The following SKIL variants were observed in gnomAD, a reference collection of about 807,000 sequenced individuals.
SKIL encodes the protein SKI like proto-oncogene, also known as ski-like protein.
In SKIL, 20 loss-of-function variants were observed where a neutral mutation model predicts 69.6. The ratio of observed to expected loss-of-function variants is 0.29; its 90% CI spans 0.20 to 0.42. The LOEUF is 0.42. SKIL is among the 10% of genes least tolerant of loss of function. SKIL has a pLI of 1.00. For synonymous variants in SKIL, 310 were observed against 279.9 expected, an observed-to-expected ratio of 1.11 and a Z score of -1.08; for missense variants, 745 against 783.1, an observed-to-expected ratio of 0.95 and a Z score of 0.58.
chr3:170,358,118 C>T (rs948793196), intron 1 of SKIL, among the ~76,000 whole-genome samples: 6 of 152,294 alleles, frequency 3.9e-5, no homozygotes, highest in African/African-American at 1.4e-4. Flanking sequence ...GCGGGGATGC[C>T]CTGGTCTCGA....
At chr3:170,364,529 A>C (rs913513500) in intron 2 of SKIL, among the ~76,000 whole-genome samples, 2 of 150,734 alleles carry the variant, frequency 1.3e-5, no homozygotes, top group Non-Finnish European at 3.0e-5. Context: ...TTTACAGCCT[A>C]GCCGGCTGGT....
chr3:170,371,298 C>G (rs186670778), intron 2 of SKIL, among the ~76,000 whole-genome samples: 2 of 151,880 alleles, frequency 1.3e-5, no homozygotes, highest in African/African-American at 2.4e-5. Context: ...GTCAGGAGTT[C>G]GAGACCAGCC....
intron 1 of SKIL, among the ~76,000 whole-genome samples, chr3:170,358,809 C>G (rs1403281176): frequency 1.3e-5 from 2 of 152,122 alleles, no homozygotes; most frequent in Non-Finnish European, 2.9e-5. Context: ...CCGGATTAGT[C>G]TTGTTGAAGG....
At chr3:170,384,512 T>A in intron 3 of SKIL, 21 bp from the exon 4 acceptor site, 2 of 1,142,044 alleles carry the variant, frequency 1.8e-6, no homozygotes, top group Non-Finnish European at 2.6e-6. Flanking sequence ...TATGTCTTGT[T>A]TTGCTTTTAC....
At chr3:170,373,889 A>G (rs897775645) in intron 2 of SKIL, among the ~76,000 whole-genome samples, 2 of 152,218 alleles carry the variant, frequency 1.3e-5, no homozygotes, top group Non-Finnish European at 2.9e-5. Flanking sequence ...AAGGGAAAAA[A>G]AAAATGTCTA....
chr3:170,395,228 G>A lies in SKIL; in HGVS notation c.*2811G>A, dbSNP rs1738132778. On this transcript the variant is annotated 3_prime_UTR_variant, in exon 7 of 7. Transcript: ENST00000259119. ...TGTAAAACCTCTTGCTGTTATTGAG[G>A]AAGCTCTTCAACTACCCTAAATTTC... The A allele has an allele frequency of 6.6e-6, 1 of 152,056 alleles. No homozygotes were observed. Among genetic ancestry groups the A allele is most frequent in the African/African-American group, 2.4e-5 (1 of 41,424 alleles). 9.4% of individuals were successfully genotyped at this position (152,056 alleles called of 1,614,324 possible).
Position 170,372,829 on chromosome 3 carries a change from T to C in SKIL, c.1099-8415T>C, listed in dbSNP as rs1315864535. On this transcript the variant is annotated intron_variant, in intron 2 of 6. Coordinates refer to ENST00000259119, the MANE Select transcript of SKIL (RefSeq NM_005414.5). ...AGAACAAAGTAATGTGCATTTCATA[T>C]GCATTATATTTTATTTCTTGTGTAA... 2.6e-5 allele frequency among the ~76,000 whole-genome samples: 4 copies of C among 152,202 alleles called. No individual in the cohort carries two copies. The East Asian group carries it at 7.7e-4, about 29-fold the overall frequency.
chr3:170,365,179 C>CT (rs574031337), intron 2 of SKIL, among the ~76,000 whole-genome samples: 61 of 152,276 alleles, frequency 4.0e-4, no homozygotes, highest in African/African-American at 1.3e-3. Context: ...ATTTCCACCT[C>CT]TTAGATGAGT....
chr3:170,369,656 C>T (rs1160490529), intron 2 of SKIL, among the ~76,000 whole-genome samples: 2 of 152,098 alleles, frequency 1.3e-5, no homozygotes, highest in African/African-American at 4.8e-5. Flanking sequence ...CCTGTCTCAG[C>T]CTCCCAAAGT....
intron 2 of SKIL, among the ~76,000 whole-genome samples, chr3:170,370,090 T>C (rs1168293708): frequency 6.6e-6 from 1 of 151,478 alleles, no homozygotes; most frequent in African/African-American, 2.4e-5. Flanking sequence ...ATACAAAAAA[T>C]TAGCCGGGCG....
At chr3:170,384,929 G>C in intron 4 of SKIL, 164 bp downstream of exon 4, 5 of 523,826 alleles carry the variant, frequency 9.5e-6, no homozygotes, top group Non-Finnish European at 1.7e-5. Context: ...TTTAATCTCA[G>C]TTGCTATACT....
intron 2 of SKIL, among the ~76,000 whole-genome samples, chr3:170,376,448 G>A (rs1056154580): frequency 1.3e-5 from 2 of 152,048 alleles, no homozygotes; most frequent in African/African-American, 4.8e-5. Context: ...TGTTCTACCC[G>A]TTAAGCTACT....
intron 2 of SKIL, among the ~76,000 whole-genome samples, 163 bp from the exon 3 acceptor site, chr3:170,381,081 C>T (rs1053905842): frequency 6.6e-6 from 1 of 151,270 alleles, no homozygotes; most frequent in Non-Finnish European, 1.5e-5. Context: ...CCCCACTCTG[C>T]CTCCCAAAGT....
rs1560204925 is a variant in SKIL, at chr3:170,361,073, G to A, written c.742G>A (p.Ala248Thr). The A allele has an allele frequency of 1.2e-6, 2 of 1,614,214 alleles. No homozygotes were observed. The highest frequency in any genetic ancestry group is 1.7e-6 in the Non-Finnish European group (2 of 1,180,044). Residue 248 changes from alanine to threonine, a missense_variant, in exon 2 of 7, where the codon GCT becomes ACT. Transcript: ENST00000259119. ...TFPQNGSVLP[A>T]KSSLAQLKET... is the part of the protein sequence containing the mutation. ...TCCTCAAAATGGTAGCGTACTTCCT[G>A]CTAAAAGCTCATTGGCCCAGTTAAA...
intron 4 of SKIL, among the ~76,000 whole-genome samples, chr3:170,387,100 C>T (rs1364343187): frequency 1.3e-5 from 2 of 151,972 alleles, no homozygotes; most frequent in East Asian, 3.9e-4. Context: ...TCACTGCAAG[C>T]TCTGCCTCCC....
chr3:170,377,714 A>G (rs1210970826), intron 2 of SKIL, among the ~76,000 whole-genome samples: 4 of 147,748 alleles, frequency 2.7e-5, no homozygotes, highest in East Asian at 2.0e-4. Flanking sequence ...GCACCCGACT[A>G]ATTTTTTTTT....
At chr3:170,364,386 C>T (rs539652123) in intron 2 of SKIL, among the ~76,000 whole-genome samples, 1 of 142,014 alleles carries the variant, frequency 7.0e-6, no homozygotes, top group African/African-American at 2.6e-5. Context: ...TACAATGGCG[C>T]GATCTCAGTT....
At chr3:170,376,139 C>T (rs1264310415) in intron 2 of SKIL, among the ~76,000 whole-genome samples, 3 of 149,252 alleles carry the variant, frequency 2.0e-5, no homozygotes, top group Non-Finnish European at 3.0e-5. Flanking sequence ...CCTCCACCTC[C>T]TGGGTTCAAG....
Position 170,359,833 on chromosome 3 carries a change from T to A in SKIL, c.-499T>A, listed in dbSNP as rs1282128996. 6.5e-6 allele frequency: 1 copy of A among 153,238 alleles called. No homozygotes were observed. The highest frequency in any genetic ancestry group is 1.5e-5 in the Non-Finnish European group (1 of 68,816). The allele number at this position is 153,238 out of a possible 1,614,324, so 9.5% of individuals were successfully genotyped here. ...GCACAGACCAGCAGACCATCATTTT[T>A]AGAGGAAATACTCCCTCTGCCCTCC... On this transcript the variant is annotated 5_prime_UTR_variant, in exon 2 of 7. Transcript: ENST00000259119.
Sources: allele counts gnomAD v4.1 joint callset (sites outside exome capture counted in the v4.1 genomes callset), GRCh38; gene constraint gnomAD v4.1.1; transcripts MANE v1.5; gene names NCBI Gene and HGNC (gene_info 2026-07-23, HGNC 2026-07-21).